Variants in KRABD5 observed in about 807,000 individuals in gnomAD.
KRABD5 encodes the protein KRAB domain containing 5.
the KRABD5 span, among the ~76,000 whole-genome samples, chr16:31,729,569 G>A: frequency 1.3e-5 from 2 of 152,310 alleles, no homozygotes; most frequent in South Asian, 4.1e-4. Context: ...TTCTATCACA[G>A]TGGCTATTAA....
chr16:31,733,462 A>G, the KRABD5 span: 76 of 455,342 alleles, frequency 1.7e-4, no homozygotes, highest in Non-Finnish European at 3.0e-4. Flanking sequence ...AGTGTTAAGT[A>G]TAGTCATATT....
At chr16:31,742,439 G>T in the KRABD5 span, among the ~76,000 whole-genome samples, 1 of 152,162 alleles carries the variant, frequency 6.6e-6, no homozygotes, top group Non-Finnish European at 1.5e-5. Flanking sequence ...GTGTTAGTTT[G>T]CTGAGGATGA....
the KRABD5 span, among the ~76,000 whole-genome samples, chr16:31,740,383 A>G: frequency 6.6e-6 from 1 of 152,146 alleles, no homozygotes; most frequent in Non-Finnish European, 1.5e-5. Context: ...CCTTAAATTT[A>G]GTTATTTTTC....
chr16:31,716,045 C>T, the KRABD5 span, among the ~76,000 whole-genome samples: 6 of 152,208 alleles, frequency 3.9e-5, no homozygotes, highest in Non-Finnish European at 7.3e-5. Context: ...GCACTGGCGT[C>T]GCCATGCCCC....
chr16:31,749,602 C>T, the KRABD5 span, among the ~76,000 whole-genome samples: 52 of 152,200 alleles, frequency 3.4e-4, 1 homozygote, highest in Admixed American at 3.3e-3. Flanking sequence ...TGGGATCTTC[C>T]GATCCGTGGG....
chr16:31,718,014 C>T, the KRABD5 span, among the ~76,000 whole-genome samples: 9 of 152,264 alleles, frequency 5.9e-5, no homozygotes, highest in South Asian at 2.1e-4. Flanking sequence ...GACCTGAAAC[C>T]GATTCAGAGA....
At chr16:31,732,717 T>G in the KRABD5 span, among the ~76,000 whole-genome samples, 3 of 152,172 alleles carry the variant, frequency 2.0e-5, no homozygotes, top group Non-Finnish European at 4.4e-5. Context: ...ATAGCACCAA[T>G]ATATTGATAA....
chr16:31,734,093 CAAT>C, the KRABD5 span, among the ~76,000 whole-genome samples: 1 of 152,030 alleles, frequency 6.6e-6, no homozygotes, highest in African/African-American at 2.4e-5. Flanking sequence ...TAAATTGATA[CAAT>C]GTTAATTGTA....
At chr16:31,714,231 TAA>T in the KRABD5 span, 1 of 391,994 alleles carries the variant, frequency 2.6e-6, no homozygotes, top group South Asian at 1.9e-5. Flanking sequence ...TGGAAATAAT[TAA>T]ATGACATGTT....
At chr16:31,723,535 T>C in the KRABD5 span, among the ~76,000 whole-genome samples, 1 of 152,230 alleles carries the variant, frequency 6.6e-6, no homozygotes, top group Non-Finnish European at 1.5e-5. Context: ...TCTTAAATTA[T>C]CTGATTATTC....
At chr16:31,720,279 GA>G in the KRABD5 span, among the ~76,000 whole-genome samples, 6 of 152,218 alleles carry the variant, frequency 3.9e-5, no homozygotes, top group Non-Finnish European at 8.8e-5. Flanking sequence ...TCCTCGCTGT[GA>G]ATGAAAAGTA....
At chr16:31,753,619 A>G in the KRABD5 span, 11 of 742,686 alleles carry the variant, frequency 1.5e-5, no homozygotes, top group South Asian at 1.8e-4. Flanking sequence ...TTAAGTTCAT[A>G]TATCAATTGA....
At chr16:31,717,023 G>A in the KRABD5 span, among the ~76,000 whole-genome samples, 9 of 62,954 alleles carry the variant, frequency 1.4e-4, no homozygotes, top group African/African-American at 5.2e-4. Flanking sequence ...TTTTTTTTGA[G>A]TCTTGCTGTG....
the KRABD5 span, chr16:31,713,359 C>T: frequency 2.5e-6 from 4 of 1,570,880 alleles, no homozygotes; most frequent in African/African-American, 5.4e-5. Flanking sequence ...ATAGACAGAA[C>T]CTCTGTTACT....
the KRABD5 span, chr16:31,733,744 A>G: frequency 2.4e-6 from 1 of 411,466 alleles, no homozygotes; most frequent in Non-Finnish European, 5.0e-6. Context: ...TTTAAGGCTC[A>G]GTAATGTTCT....
the KRABD5 span, among the ~76,000 whole-genome samples, chr16:31,734,504 C>T: frequency 1.1e-4 from 16 of 152,022 alleles, no homozygotes; most frequent in Admixed American, 3.3e-4. Flanking sequence ...CTCCTGCTTC[C>T]GCCTCCCAAA....
the KRABD5 span, chr16:31,758,963 AC>A: frequency 6.3e-6 from 1 of 158,310 alleles, no homozygotes; most frequent in East Asian, 1.8e-4. Context: ...GATAAATGGA[AC>A]TGTTCTGTAG....
the KRABD5 span, among the ~76,000 whole-genome samples, chr16:31,718,778 A>C: frequency 6.6e-6 from 1 of 152,136 alleles, no homozygotes; most frequent in Non-Finnish European, 1.5e-5. Flanking sequence ...CTCCTGCCCA[A>C]ATCACTACTG....
the KRABD5 span, among the ~76,000 whole-genome samples, chr16:31,726,294 G>GT: frequency 1.1e-4 from 17 of 152,040 alleles, no homozygotes; most frequent in Non-Finnish European, 1.9e-4. Context: ...TACACATGGG[G>GT]TTATTTTTGG....
Sources: allele counts gnomAD v4.1 joint callset (sites outside exome capture counted in the v4.1 genomes callset), GRCh38; gene constraint gnomAD v4.1.1; transcripts MANE v1.5; gene names NCBI Gene and HGNC (gene_info 2026-07-23, HGNC 2026-07-21).